The following TSPAN11 variants were observed in gnomAD, a reference collection of about 807,000 sequenced individuals.
TSPAN11 encodes tetraspanin 11.
Under a neutral mutation model 32.9 loss-of-function variants are expected in TSPAN11, and 29 were observed. The ratio of observed to expected loss-of-function variants is 0.88; its 90% confidence interval spans 0.66 to 1.20. The LOEUF (loss-of-function observed/expected upper bound fraction) is 1.20. TSPAN11 is among the 50% of genes most tolerant of loss of function. TSPAN11 has a pLI of 0.00. For synonymous variants in TSPAN11, 140 were observed against 141.3 expected (o/e 0.99, Z 0.07); for missense variants, 283 against 329.1 (o/e 0.86, Z 1.08).
At chr12:30,961,558 A>T (rs1350310215) in intron 2 of TSPAN11, among the ~76,000 whole-genome samples, 1 of 151,996 alleles carries the variant, frequency 6.6e-6, no homozygotes, top group Non-Finnish European at 1.5e-5. Flanking sequence ...TTTTCTAAAG[A>T]GATGACCATG....
intron 1 of TSPAN11, among the ~76,000 whole-genome samples, chr12:30,953,267 C>T (rs2140284043): frequency 6.6e-6 from 1 of 152,290 alleles, no homozygotes; most frequent in South Asian, 2.1e-4. Context: ...TTCAAAACAA[C>T]CCTATGATAT....
Position 30,994,069 on chromosome 12 carries a change from T to C in TSPAN11, c.*2154T>C, listed in dbSNP as rs1335979639. On this transcript the variant is annotated 3_prime_UTR_variant, in exon 8 of 8. Transcript: ENST00000546076. ...CCAGACTGCCTCTTGAAAGATGGCT[T>C]GTCCAAGCGGCAGACAGTGGTAGAA... 1 of 152,226 alleles carries C rather than the reference T, an allele frequency of 6.6e-6. No homozygotes were observed. The highest frequency in any genetic ancestry group is 1.5e-5 in the Non-Finnish European group (1 of 68,056). The allele number at this position is 152,226 out of a possible 1,614,324, so 9.4% of individuals were successfully genotyped here.
At chr12:30,957,638 TC>T (rs1938511116) in intron 2 of TSPAN11, among the ~76,000 whole-genome samples, 1 of 60,372 alleles carries the variant, frequency 1.7e-5, no homozygotes, top group African/African-American at 1.0e-4. Flanking sequence ...AATCCCTCCC[TC>T]CCTCCCTCCC....
At chr12:31,008,907 G>C in the TSPAN11 span, among the ~76,000 whole-genome samples, 1 of 152,138 alleles carries the variant, frequency 6.6e-6, no homozygotes, top group African/African-American at 2.4e-5. Context: ...GACTCGGAAG[G>C]TCACCTGCCT....
At chr12:30,956,672 T>C (rs1037026589) in intron 2 of TSPAN11, among the ~76,000 whole-genome samples, 2 of 151,976 alleles carry the variant, frequency 1.3e-5, no homozygotes, top group Non-Finnish European at 2.9e-5. Context: ...GAAAATGTGG[T>C]CCAGGGTTTC....
chr12:30,966,055 C>G (rs140736604), intron 3 of TSPAN11, among the ~76,000 whole-genome samples: 3 of 150,244 alleles, frequency 2.0e-5, no homozygotes, highest in East Asian at 2.0e-4. Context: ...GCTGTCGTTA[C>G]TGTGTTTTAT....
At chr12:30,947,603 C>T (rs528965865) in intron 1 of TSPAN11, among the ~76,000 whole-genome samples, 2 of 152,266 alleles carry the variant, frequency 1.3e-5, no homozygotes, top group Admixed American at 1.3e-4. Flanking sequence ...ATAAACCCAT[C>T]AGATCTCATG....
At chr12:30,970,984 C>T (rs1027713704) in intron 3 of TSPAN11, among the ~76,000 whole-genome samples, 1 of 152,180 alleles carries the variant, frequency 6.6e-6, no homozygotes, top group African/African-American at 2.4e-5. Context: ...TTCTGAGCTC[C>T]CTGACCCTCC....
intron 3 of TSPAN11, among the ~76,000 whole-genome samples, chr12:30,971,091 T>C (rs1470847674): frequency 6.6e-6 from 1 of 152,040 alleles, no homozygotes; most frequent in African/African-American, 2.4e-5. Flanking sequence ...GGGTCTTGGG[T>C]TTTCTTTGGC....
intron 3 of TSPAN11, among the ~76,000 whole-genome samples, chr12:30,969,316 A>G (rs2140296900): frequency 6.6e-6 from 1 of 152,298 alleles, no homozygotes; most frequent in East Asian, 1.9e-4. Context: ...TTGCTCCATC[A>G]GCCACCCAGC....
intron 1 of TSPAN11, among the ~76,000 whole-genome samples, chr12:30,942,544 T>C (rs1938187188): frequency 6.6e-6 from 1 of 152,044 alleles, no homozygotes; most frequent in African/African-American, 2.4e-5. Flanking sequence ...AGGAAAAACA[T>C]AGCATGCATG....
chr12:31,009,238 C>A, the TSPAN11 span, among the ~76,000 whole-genome samples: 1 of 152,234 alleles, frequency 6.6e-6, no homozygotes, highest in African/African-American at 2.4e-5. Context: ...CTGCCCTGTT[C>A]TCAATCCAAT....
At chr12:30,983,292 C>T in intron 7 of TSPAN11, 142 bp downstream of exon 7, 1 of 775,930 alleles carries the variant, frequency 1.3e-6, no homozygotes, top group Non-Finnish European at 2.0e-6. Flanking sequence ...CTTCTCTCCC[C>T]TTCCCTCTGC....
downstream of TSPAN11, among the ~76,000 whole-genome samples, chr12:31,001,263 G>C (rs1939475217): frequency 6.6e-6 from 1 of 152,174 alleles, no homozygotes; most frequent in Non-Finnish European, 1.5e-5. Context: ...CTTCAACTCT[G>C]TGGACCATGT....
At chr12:30,998,097 T>C (rs1565808933), downstream of TSPAN11, among the ~76,000 whole-genome samples, 1 of 152,144 alleles carries the variant, frequency 6.6e-6, no homozygotes, top group Non-Finnish European at 1.5e-5. Context: ...ACTATGAGTG[T>C]GTGCGTGTGT....
chr12:30,969,689 C>T (rs988467212), intron 3 of TSPAN11, among the ~76,000 whole-genome samples: 4 of 152,176 alleles, frequency 2.6e-5, no homozygotes, highest in South Asian at 2.1e-4. Flanking sequence ...CACCTCCCTC[C>T]GATTTTCTGC....
At chr12:30,991,757 A>G in intron 7 of TSPAN11, 99 bp from the exon 8 acceptor site, 1 of 1,301,292 alleles carries the variant, frequency 7.7e-7, no homozygotes, top group Non-Finnish European at 1.1e-6. Context: ...CCCAGGCCCC[A>G]GGGTATTCGA....
At chr12:30,956,962 C>A (rs77986552) in intron 2 of TSPAN11, among the ~76,000 whole-genome samples, 2,035 of 152,288 alleles carry the variant, frequency 0.013, 48 homozygotes, top group African/African-American at 0.046. Flanking sequence ...CCCCGGGGAC[C>A]GGGGATACAT....
downstream of TSPAN11, chr12:30,997,296 C>T (rs994596812): frequency 3.9e-5 from 6 of 152,196 alleles, no homozygotes; most frequent in African/African-American, 1.4e-4. Context: ...ATTTCATTCA[C>T]TGTTCTGTCT....
Sources: allele counts gnomAD v4.1 joint callset (sites outside exome capture counted in the v4.1 genomes callset), GRCh38; gene constraint gnomAD v4.1.1; transcripts MANE v1.5; gene names NCBI Gene and HGNC (gene_info 2026-07-23, HGNC 2026-07-21).